Variants in MANBAL observed in about 807,000 individuals in gnomAD.
The protein encoded by MANBAL is protein MANBAL.
Under a neutral mutation model 6.4 loss-of-function variants are expected in MANBAL, and 1 was observed. That is an observed-to-expected ratio of 0.16 (90% CI 0.06 to 0.74). MANBAL has a LOEUF of 0.74. Ranked by LOEUF, MANBAL falls within the 30% of genes least tolerant of loss-of-function variation. MANBAL has a pLI of 0.78. For synonymous variants in MANBAL, 47 were observed against 45.8 expected, an observed-to-expected ratio of 1.03 and a Z score of -0.10; for missense variants, 100 against 107.8, an observed-to-expected ratio of 0.93 and a Z score of 0.32.
chr20:37,291,616 C>T (rs192948438), intron 1 of MANBAL, among the ~76,000 whole-genome samples: 186 of 152,216 alleles, frequency 1.2e-3, no homozygotes, highest in African/African-American at 4.3e-3. Context: ...TGATAGGGTT[C>T]GGCTGTGTCC....
At chr20:37,304,744 G>T (rs1304668169) in intron 2 of MANBAL, among the ~76,000 whole-genome samples, 1 of 152,130 alleles carries the variant, frequency 6.6e-6, no homozygotes, top group African/African-American at 2.4e-5. Flanking sequence ...CAGGCTTAGG[G>T]TGGGTGCAGG....
At chr20:37,308,815 G>A (rs2069317591) in intron 2 of MANBAL, among the ~76,000 whole-genome samples, 1 of 152,194 alleles carries the variant, frequency 6.6e-6, no homozygotes, top group Admixed American at 6.5e-5. Flanking sequence ...TGTAGACTTT[G>A]AGTTCAGCAA....
At chr20:37,306,919 G>C (rs1230399819) in intron 2 of MANBAL, among the ~76,000 whole-genome samples, 1 of 152,194 alleles carries the variant, frequency 6.6e-6, no homozygotes, top group African/African-American at 2.4e-5. Context: ...ACCACACCCA[G>C]AGATTCTGAT....
intron 2 of MANBAL, among the ~76,000 whole-genome samples, chr20:37,307,139 A>T (rs1376175897): frequency 6.6e-6 from 1 of 151,926 alleles, no homozygotes; most frequent in Non-Finnish European, 1.5e-5. Context: ...TTTTTAAATA[A>T]TTTTTTTGTA....
At chr20:37,302,340 G>T in intron 2 of MANBAL, 1 of 1,550,542 alleles carries the variant, frequency 6.4e-7, no homozygotes, top group South Asian at 1.2e-5. Context: ...ATACCTCAGA[G>T]CTGGTGCTAT....
chr20:37,306,244 G>A (rs2069255198), intron 2 of MANBAL, among the ~76,000 whole-genome samples: 1 of 152,128 alleles, frequency 6.6e-6, no homozygotes, highest in African/African-American at 2.4e-5. Flanking sequence ...GGCTTTTTGG[G>A]TCAGAAGATA....
At chr20:37,313,878 G>A (rs138228702) in intron 2 of MANBAL, among the ~76,000 whole-genome samples, 84 of 152,318 alleles carry the variant, frequency 5.5e-4, no homozygotes, top group African/African-American at 2.0e-3. Flanking sequence ...CAAGGAAACA[G>A]GTATTCCTGT....
intron 2 of MANBAL, among the ~76,000 whole-genome samples, chr20:37,304,286 T>G (rs1291968693): frequency 6.6e-6 from 1 of 152,222 alleles, no homozygotes. Context: ...ATTTTTAAAA[T>G]TTTGATTTAA....
In MANBAL at chr20:37,316,438, G is replaced by A; in HGVS notation, c.*23G>A. ...TAGAAGAGGAGGCCTGAGGAGCTGG[G>A]CGGGCAGGGAGAGGGTCTTGGGGAC... On this transcript the variant is annotated 3_prime_UTR_variant, in exon 3 of 3. Coordinates refer to ENST00000373606, the MANE Select transcript of MANBAL (RefSeq NM_001003897.2). 4 of 1,604,130 alleles carry A rather than the reference G, an allele frequency of 2.5e-6. No individual in the cohort carries two copies. The highest frequency in any genetic ancestry group is 2.6e-6 in the Non-Finnish European group (3 of 1,173,388).
intron 1 of MANBAL, among the ~76,000 whole-genome samples, chr20:37,293,391 A>G (rs971155913): frequency 1.1e-4 from 16 of 152,208 alleles, no homozygotes; most frequent in African/African-American, 3.9e-4. Flanking sequence ...CCTCACATGC[A>G]CAGTTCACAA....
intron 1 of MANBAL, among the ~76,000 whole-genome samples, chr20:37,291,743 G>A (rs1222145991): frequency 2.0e-5 from 3 of 152,132 alleles, no homozygotes; most frequent in African/African-American, 7.2e-5. Context: ...TCTCCTGATA[G>A]TGAATAAGTC....
At chr20:37,296,824 A>G (rs1404148610) in intron 1 of MANBAL, 1 of 152,186 alleles carries the variant, frequency 6.6e-6, no homozygotes, top group Non-Finnish European at 1.5e-5. Context: ...TTGGCTCATG[A>G]GAACATCCCG....
At position 37,316,610 on chromosome 20, in the gene MANBAL, G is replaced by C; in HGVS notation, c.*195G>C. The C allele has an allele frequency of 2.0e-6, 1 of 492,114 alleles. No homozygotes were observed. The highest frequency in any genetic ancestry group is 3.7e-6 in the Non-Finnish European group (1 of 269,660). 30.5% of individuals were successfully genotyped at this position (492,114 alleles called of 1,614,324 possible). On this transcript the variant is annotated 3_prime_UTR_variant, in exon 3 of 3. Coordinates refer to ENST00000373606, the MANE Select transcript of MANBAL (RefSeq NM_001003897.2). Reference sequence around the variant, plus strand: ...CAATCCACCACTTCCTCTTCCTTCTGCTTCTGTGACGGTTTAGAGTCAAGG... The same window carrying C: ...CAATCCACCACTTCCTCTTCCTTCTCCTTCTGTGACGGTTTAGAGTCAAGG...
chr20:37,310,293 G>A (rs998855419), intron 2 of MANBAL, among the ~76,000 whole-genome samples: 1 of 152,226 alleles, frequency 6.6e-6, no homozygotes, highest in East Asian at 1.9e-4. Context: ...ATCTCTGCGA[G>A]GCCTTCTCAG....
In MANBAL at chr20:37,303,179, G is replaced by C. The variant is rs187487474; in HGVS notation, c.150+1766G>C. 6.6e-5 allele frequency among the ~76,000 whole-genome samples: 10 copies of C among 152,280 alleles called. No individual in the cohort carries two copies. The East Asian group carries it at 1.5e-3, about 23-fold the overall frequency. On this transcript the variant is annotated intron_variant, in intron 2 of 2. Coordinates refer to ENST00000373606, the MANE Select transcript of MANBAL (RefSeq NM_001003897.2). Reference sequence around the variant, plus strand: ...ACTTGCCTTGAGCTCCCAAAGTGCTGGAATTATAGGCATGAGCCACTGCGC... The same window carrying C: ...ACTTGCCTTGAGCTCCCAAAGTGCTCGAATTATAGGCATGAGCCACTGCGC...
intron 2 of MANBAL, 138 bp downstream of exon 2, chr20:37,301,551 C>T: frequency 1.0e-6 from 1 of 969,816 alleles, no homozygotes; most frequent in Non-Finnish European, 1.5e-6. Flanking sequence ...GAATTTCCAC[C>T]TGGTGGGTTG....
chr20:37,299,739 T>C (rs982737197), intron 1 of MANBAL, among the ~76,000 whole-genome samples: 2 of 152,062 alleles, frequency 1.3e-5, no homozygotes, highest in Admixed American at 6.6e-5. Context: ...GAGAGGCATG[T>C]TGGGGAGATG....
chr20:37,296,670 C>CT (rs2069003936), intron 1 of MANBAL, among the ~76,000 whole-genome samples: 1 of 152,116 alleles, frequency 6.6e-6, no homozygotes, highest in African/African-American at 2.4e-5. Flanking sequence ...GCTTTTTCTT[C>CT]TTTTGAATTG....
At chr20:37,304,053 C>T (rs1325623831) in intron 2 of MANBAL, among the ~76,000 whole-genome samples, 1 of 152,208 alleles carries the variant, frequency 6.6e-6, no homozygotes, top group Non-Finnish European at 1.5e-5. Context: ...TTCTGCTCAT[C>T]TACAATATAC....
Sources: allele counts gnomAD v4.1 joint callset (sites outside exome capture counted in the v4.1 genomes callset), GRCh38; gene constraint gnomAD v4.1.1; transcripts MANE v1.5; gene names NCBI Gene and HGNC (gene_info 2026-07-23, HGNC 2026-07-21).